Variants in MAP7 observed in about 807,000 individuals in gnomAD.
MAP7 encodes ensconsin.
In MAP7, 52 loss-of-function variants were observed where a neutral mutation model predicts 94.8. The ratio of observed to expected loss-of-function variants is 0.55; its 90% confidence interval spans 0.44 to 0.69. The LOEUF (loss-of-function observed/expected upper bound fraction) is 0.69, where lower values mean the gene tolerates loss of function less well. Among genes scored for constraint, MAP7 ranks in the 30% least tolerant of loss-of-function variants. The probability of loss-of-function intolerance (pLI) is 0.00; values close to 1 mark genes in which losing one functional copy is unlikely to be tolerated. For synonymous variants in MAP7, 350 were observed against 357.0 expected (o/e 0.98, Z 0.22); for missense variants, 940 against 964.6 (o/e 0.97, Z 0.34).
At chr6:136,530,407 T>C (rs866649537) in intron 1 of MAP7, among the ~76,000 whole-genome samples, 3 of 152,256 alleles carry the variant, frequency 2.0e-5, no homozygotes, top group Non-Finnish European at 2.9e-5. Flanking sequence ...AGCAATCTTT[T>C]AAGTATTTAA....
chr6:136,417,301 G>A (rs1789813771), intron 2 of MAP7, among the ~76,000 whole-genome samples: 1 of 152,148 alleles, frequency 6.6e-6, no homozygotes, highest in Admixed American at 6.5e-5. Flanking sequence ...CAAGTGTGGG[G>A]TGACATCTAA....
intron 1 of MAP7, among the ~76,000 whole-genome samples, chr6:136,466,024 A>G (rs1179964519): frequency 6.6e-6 from 1 of 152,194 alleles, no homozygotes; most frequent in Non-Finnish European, 1.5e-5. Flanking sequence ...AAATAAAGTG[A>G]TAAAAGTTAC....
chr6:136,383,171 A>G (rs2128638985), intron 6 of MAP7, among the ~76,000 whole-genome samples: 1 of 152,364 alleles, frequency 6.6e-6, no homozygotes, highest in Non-Finnish European at 1.5e-5. Flanking sequence ...CCAAAAAACC[A>G]ACAGCACACA....
chr6:136,421,668 T>G (rs1177390491), intron 2 of MAP7, 33 bp downstream of exon 2: 1 of 1,566,428 alleles, frequency 6.4e-7, no homozygotes, highest in Non-Finnish European at 8.8e-7. Flanking sequence ...AAGATAACCT[T>G]TATTTTCCCA....
chr6:136,450,201 A>G (rs1158922863), intron 1 of MAP7, among the ~76,000 whole-genome samples: 2 of 152,154 alleles, frequency 1.3e-5, no homozygotes, highest in Admixed American at 1.3e-4. Context: ...AAAAATAAAA[A>G]TACCATTTGG....
chr6:136,456,285 T>G (rs907168821), intron 1 of MAP7, among the ~76,000 whole-genome samples: 2 of 152,002 alleles, frequency 1.3e-5, no homozygotes, highest in African/African-American at 4.8e-5. Flanking sequence ...TCTTGAGACA[T>G]AAGAAAACAA....
intron 1 of MAP7, among the ~76,000 whole-genome samples, chr6:136,511,096 G>C (rs1823144020): frequency 6.6e-6 from 1 of 152,198 alleles, no homozygotes. Context: ...TATGGCAGTG[G>C]AGTGAGAATA....
Position 136,377,850 on chromosome 6 carries a change from C to T in MAP7, c.656G>A (p.Ser219Asn), listed in dbSNP as rs766031525. ...SPDRARRLQL[S>N]PWESSVVNRL... The stretch of plus-strand genomic sequence containing the variant: ...GTTAACAACGCTGCTCTCCCATGGG[C>T]TGAGCTGCAGGCGGCGAGCTAAACG... The change falls in exon 7 of 18, where the codon AGC (serine) becomes AAC (asparagine). Residue 219 changes from serine (S) to asparagine (N), a missense_variant. Physicochemically the swap from Ser to Asn is conservative, Grantham distance 46. Transcript: ENST00000354570. 6.2e-7 allele frequency: 1 copy of T among 1,613,634 alleles called. No homozygotes were observed. Among genetic ancestry groups the T allele is most frequent in the Non-Finnish European group, 8.5e-7 (1 of 1,179,640 alleles).
chr6:136,482,897 T>C (rs1331112413), intron 1 of MAP7, among the ~76,000 whole-genome samples: 2 of 152,158 alleles, frequency 1.3e-5, no homozygotes, highest in Non-Finnish European at 2.9e-5. Flanking sequence ...AAAAAATATA[T>C]ATTCCATTTT....
chr6:136,440,883 T>C (rs955611731), intron 1 of MAP7, among the ~76,000 whole-genome samples: 1 of 151,810 alleles, frequency 6.6e-6, no homozygotes, highest in African/African-American at 2.4e-5. Flanking sequence ...TGGTAATCTC[T>C]ATCCTACTCT....
chr6:136,408,094 C>T (rs1786190773), intron 3 of MAP7, among the ~76,000 whole-genome samples: 1 of 151,974 alleles, frequency 6.6e-6, no homozygotes, highest in Non-Finnish European at 1.5e-5. Flanking sequence ...AGATTCTCCA[C>T]CCCACCCTTG....
intron 1 of MAP7, among the ~76,000 whole-genome samples, chr6:136,458,734 G>A (rs1266989440): frequency 6.6e-6 from 1 of 151,906 alleles, no homozygotes; most frequent in Non-Finnish European, 1.5e-5. Flanking sequence ...GAAGAAATTA[G>A]ACCTATACAC....
In MAP7 at chr6:136,550,404, G is replaced by A; in HGVS notation, c.5C>T (p.Ala2Val). The A allele has an allele frequency of 6.6e-7, 1 of 1,524,234 alleles. No homozygotes were observed. The highest frequency in any genetic ancestry group is 8.7e-7 in the Non-Finnish European group (1 of 1,143,650). The allele number at this position is 1,524,234 out of a possible 1,614,324, so 94.4% of individuals were successfully genotyped here. The change falls in exon 1 of 18, where the codon GCG becomes GTG. Residue 2 changes from alanine to valine, a missense_variant. Ala to Val is a moderately conservative substitution (Grantham distance 64, BLOSUM62 0). Coordinates refer to ENST00000354570, the MANE Select transcript of MAP7 (RefSeq NM_003980.6). The surrounding 1 kb of genome is among the most constrained non-coding windows in gnomAD (Gnocchi z 5.1). The stretch of plus-strand genomic sequence containing the variant: ...GCCGTCGCCGCCAGCTCCTAGCTCC[G>A]CCATGGTGCTCCGATGACGCGCCCG... MAELGAGGDGHR... is the reference protein window; with the variant it reads MVELGAGGDGHR...
At chr6:136,368,877 A>AT (rs1292065593) in intron 8 of MAP7, among the ~76,000 whole-genome samples, 5 of 152,198 alleles carry the variant, frequency 3.3e-5, no homozygotes, top group African/African-American at 9.7e-5. Context: ...TCCCAATATA[A>AT]TTTTTTATTT....
At chr6:136,491,515 A>C (rs1816602794) in intron 1 of MAP7, among the ~76,000 whole-genome samples, 1 of 152,210 alleles carries the variant, frequency 6.6e-6, no homozygotes, top group African/African-American at 2.4e-5. Flanking sequence ...GGCGGTGGGC[A>C]GCCATTACTC....
chr6:136,548,331 A>T (rs1357729207), intron 1 of MAP7, among the ~76,000 whole-genome samples: 1 of 152,120 alleles, frequency 6.6e-6, no homozygotes, highest in Admixed American at 6.6e-5. Context: ...GATTCAAAAA[A>T]ATACATTTAC....
chr6:136,432,751 A>G (rs1243759684), intron 1 of MAP7, among the ~76,000 whole-genome samples: 1 of 152,216 alleles, frequency 6.6e-6, no homozygotes, highest in Non-Finnish European at 1.5e-5. Flanking sequence ...TTGCTTATAA[A>G]AAGAAAGTAA....
At chr6:136,356,579 C>T (rs906777070) in intron 16 of MAP7, 113 bp downstream of exon 16, 11 of 776,666 alleles carry the variant, frequency 1.4e-5, no homozygotes, top group African/African-American at 3.7e-5. Context: ...AACCAAAAAT[C>T]AATGAGGCCC....
chr6:136,361,258 T>C lies in MAP7; in HGVS notation c.1527-79A>G, dbSNP rs187314386. On this transcript the variant is annotated intron_variant, in intron 11 of 17. Transcript: ENST00000354570. ...GAAGAGAGGCCTCCGTCGGTGGTTC[T>C]GTAGGGCGGTTCCTTTAGGCGTCCA... is the stretch of plus-strand genomic sequence containing the variant. The C allele has an allele frequency of 9.4e-5, 139 of 1,484,410 alleles. No individual in the cohort carries two copies. In the East Asian group the frequency reaches 3.2e-3, roughly 34 times the overall value. 92.0% of individuals were successfully genotyped at this position (1,484,410 alleles called of 1,614,324 possible). A position where few individuals can be genotyped will look rare whatever the true frequency, so the allele number is the denominator to read the frequency against.
Sources: allele counts gnomAD v4.1 joint callset (sites outside exome capture counted in the v4.1 genomes callset), GRCh38; gene constraint gnomAD v4.1.1; non-coding constraint Gnocchi (gnomAD v3.1); transcripts MANE v1.5; gene names NCBI Gene and HGNC (gene_info 2026-07-23, HGNC 2026-07-21).